Variants in DSCAM observed in about 807,000 individuals in gnomAD.
DSCAM encodes the protein cell adhesion molecule DSCAM.
A neutral mutation model predicts 217.7 loss-of-function variants in DSCAM; 47 were observed. The observed-to-expected ratio is 0.22, with a 90% CI of 0.17 to 0.28. The LOEUF is 0.28. Ranked by LOEUF, DSCAM falls within the 10% of genes least tolerant of loss-of-function variation. The pLI, the probability that DSCAM is intolerant of heterozygous loss-of-function variation, is 1.00. For synonymous variants in DSCAM, 1,056 were observed against 1,015.3 expected, an observed-to-expected ratio of 1.04 and a Z score of -0.76; for missense variants, 2,080 against 2,618.3, an observed-to-expected ratio of 0.79 and a Z score of 4.49.
chr21:40,787,022 A>G (rs562218756), intron 1 of DSCAM, among the ~76,000 whole-genome samples: 1 of 152,222 alleles, frequency 6.6e-6, no homozygotes, highest in South Asian at 2.1e-4. Context: ...TTTGAAACGT[A>G]TGGCAATTTT....
At chr21:40,758,516 C>A (rs372901685) in intron 1 of DSCAM, among the ~76,000 whole-genome samples, 1,364 of 102,596 alleles carry the variant, frequency 0.013, no homozygotes, top group Middle Eastern at 0.017. Flanking sequence ...GACTCTGTCT[C>A]AAAAAAAAAA....
chr21:40,147,598 T>C (rs1295513708), intron 16 of DSCAM, among the ~76,000 whole-genome samples: 1 of 152,266 alleles, frequency 6.6e-6, no homozygotes, highest in African/African-American at 2.4e-5. Flanking sequence ...CATTTTGTTT[T>C]ATAATAAAAG....
At chr21:40,311,933 ATTTTTTTTTTTTTTTT>A (rs34579385) in intron 9 of DSCAM, 132 bp downstream of exon 9, 9 of 202,446 alleles carry the variant, frequency 4.4e-5, no homozygotes, top group African/African-American at 3.9e-4. Context: ...TTAGAGTCGT[ATTTTTTTTTTTTTTTT>A]TTTTTTTTTT....
Position 40,475,868 on chromosome 21 carries a change from ACAT to A in DSCAM, c.509-106626_509-106624del, listed in dbSNP as rs1366752568. Among the ~76,000 whole-genome samples the A allele has an allele frequency of 5.9e-5, 9 of 152,220 alleles. No homozygotes were observed. In the East Asian group the frequency reaches 1.7e-3, roughly 29 times the overall value. ...TAATAAATAAAATTTAAAAAAAAAC[ACAT>A]CAGCCTATTCCATTTGAGTAGTTTC... On this transcript the variant is annotated intron_variant, in intron 3 of 32. Transcript: ENST00000400454.
chr21:40,545,631 C>T (rs1294089997), intron 3 of DSCAM, among the ~76,000 whole-genome samples: 1 of 152,044 alleles, frequency 6.6e-6, no homozygotes, highest in Admixed American at 6.6e-5. Context: ...AAACAGGTGT[C>T]CTGGGACACT....
chr21:40,647,511 C>A (rs1204574404), intron 3 of DSCAM, among the ~76,000 whole-genome samples: 1 of 127,030 alleles, frequency 7.9e-6, no homozygotes, highest in African/African-American at 2.6e-5. Context: ...GTTTAATGGA[C>A]CACTCGAAAT....
At chr21:40,633,742 T>C (rs2089721635) in intron 3 of DSCAM, among the ~76,000 whole-genome samples, 1 of 152,230 alleles carries the variant, frequency 6.6e-6, no homozygotes. Context: ...TTGATGGGGA[T>C]GCATGGAGTC....
chr21:40,837,760 G>C (rs2092068570), intron 1 of DSCAM, among the ~76,000 whole-genome samples: 1 of 152,238 alleles, frequency 6.6e-6, no homozygotes, highest in African/African-American at 2.4e-5. Flanking sequence ...TCCGGCAGGA[G>C]TGATAAAGTA....
intron 3 of DSCAM, among the ~76,000 whole-genome samples, chr21:40,664,183 G>A (rs377311481): frequency 6.6e-6 from 1 of 152,152 alleles, no homozygotes; most frequent in African/African-American, 2.4e-5. Flanking sequence ...TAACGGCTGA[G>A]AAATACCTTC....
At chr21:40,752,616 G>A (rs1271315869) in intron 1 of DSCAM, among the ~76,000 whole-genome samples, 3 of 152,208 alleles carry the variant, frequency 2.0e-5, no homozygotes, top group African/African-American at 7.2e-5. Flanking sequence ...GAGCCCAGGA[G>A]TTTGAGGTCA....
intron 3 of DSCAM, among the ~76,000 whole-genome samples, chr21:40,563,831 T>C (rs866021357): frequency 1.5e-5 from 2 of 137,924 alleles, no homozygotes; most frequent in South Asian, 2.2e-4. Flanking sequence ...TATATGTTTA[T>C]ATATGTTTAT....
At chr21:40,104,240 AC>A (rs2089789868) in intron 20 of DSCAM, among the ~76,000 whole-genome samples, 1 of 152,230 alleles carries the variant, frequency 6.6e-6, no homozygotes, top group Non-Finnish European at 1.5e-5. Context: ...CAAATTCTGT[AC>A]AAAAAAACTA....
chr21:40,332,760 G>A (rs1471477278), intron 8 of DSCAM, among the ~76,000 whole-genome samples: 1 of 152,122 alleles, frequency 6.6e-6, no homozygotes, highest in Non-Finnish European at 1.5e-5. Flanking sequence ...AACTGCTTAA[G>A]CTTCAACCAC....
At chr21:40,287,749 C>G (rs1316317927) in intron 10 of DSCAM, among the ~76,000 whole-genome samples, 2 of 152,096 alleles carry the variant, frequency 1.3e-5, no homozygotes, top group African/African-American at 4.8e-5. Flanking sequence ...TTTTAGGGCC[C>G]TAGTGGTAAG....
At chr21:40,801,172 C>T (rs191460778) in intron 1 of DSCAM, among the ~76,000 whole-genome samples, 163 of 152,094 alleles carry the variant, frequency 1.1e-3, no homozygotes, top group African/African-American at 3.5e-3. Context: ...AGGCTGGTCT[C>T]GAACTCCTGA....
chr21:40,253,961 A>G (rs1360394935), intron 11 of DSCAM, among the ~76,000 whole-genome samples: 2 of 152,232 alleles, frequency 1.3e-5, no homozygotes, highest in Non-Finnish European at 2.9e-5. Flanking sequence ...CTATCCAGGC[A>G]GAAGTGTGGG....
At chr21:40,455,646 G>GT (rs1366516257) in intron 3 of DSCAM, among the ~76,000 whole-genome samples, 7 of 152,270 alleles carry the variant, frequency 4.6e-5, no homozygotes, top group Admixed American at 3.3e-4. Flanking sequence ...GCATGCACCT[G>GT]TGATCCCAGC....
chr21:40,756,463 T>C (rs1433160561), intron 1 of DSCAM, among the ~76,000 whole-genome samples: 1 of 152,158 alleles, frequency 6.6e-6, no homozygotes, highest in Non-Finnish European at 1.5e-5. Context: ...ATGATCTCGG[T>C]TCATTGCAAT....
intron 3 of DSCAM, among the ~76,000 whole-genome samples, chr21:40,504,345 C>T (rs773658524): frequency 5.9e-5 from 9 of 152,106 alleles, no homozygotes; most frequent in Admixed American, 2.0e-4. Context: ...GTGATGGCCA[C>T]GGGGCACACA....
Sources: gnomAD v4.1 joint callset for allele counts (sites outside exome capture counted in the v4.1 genomes callset) on GRCh38, gnomAD v4.1.1 for gene constraint, MANE v1.5 for transcripts, NCBI Gene and HGNC (gene_info 2026-07-23, HGNC 2026-07-21) for gene names.